The following FSD2 variants were observed in gnomAD, a reference collection of about 807,000 sequenced individuals.
FSD2 encodes the protein fibronectin type III and SPRY domain-containing protein 2.
A neutral mutation model predicts 80.4 loss-of-function variants in FSD2; 71 were observed. The observed-to-expected ratio is 0.88, with a 90% CI of 0.73 to 1.08. The LOEUF is 1.08. Ranked by LOEUF, FSD2 falls within the 50% of genes least tolerant of loss-of-function variation. The pLI is 0.00. For synonymous variants in FSD2, 361 were observed against 329.5 expected, an observed-to-expected ratio of 1.10 and a Z score of -1.03; for missense variants, 923 against 913.8, an observed-to-expected ratio of 1.01 and a Z score of -0.13.
intron 1 of FSD2, among the ~76,000 whole-genome samples, chr15:82,792,626 G>C (rs924541349): frequency 6.6e-6 from 1 of 152,132 alleles, no homozygotes. Context: ...TTTTGCTGAA[G>C]TCTAGTTTAT....
intron 8 of FSD2, 56 bp downstream of exon 8, chr15:82,769,694 G>T: frequency 6.4e-7 from 1 of 1,551,612 alleles, no homozygotes; most frequent in South Asian, 1.2e-5. Flanking sequence ...AGAAACCCAT[G>T]ACTCCTGTGT....
At chr15:82,789,159 A>G (rs1016757961) in intron 1 of FSD2, among the ~76,000 whole-genome samples, 2 of 152,090 alleles carry the variant, frequency 1.3e-5, no homozygotes, top group Non-Finnish European at 2.9e-5. Context: ...AGGTTTAATG[A>G]TTAGGAGAAG....
intron 1 of FSD2, among the ~76,000 whole-genome samples, chr15:82,789,246 A>C (rs1180170993): frequency 1.3e-5 from 2 of 152,200 alleles, no homozygotes; most frequent in Middle Eastern, 3.4e-3. Flanking sequence ...GCAAATGATA[A>C]CTTGGAAAAA....
chr15:82,756,032 T>C lies in FSD2; in HGVS notation c.*3316A>G, dbSNP rs1390642627. 3 of 509,430 alleles carry C rather than the reference T, an allele frequency of 5.9e-6. No individual in the cohort carries two copies. The highest frequency in any genetic ancestry group is 2.0e-5 in the Admixed American group (1 of 51,072). 31.6% of individuals were successfully genotyped at this position (509,430 alleles called of 1,614,324 possible). On this transcript the variant is annotated 3_prime_UTR_variant, in exon 13 of 13. Transcript: ENST00000334574. ...AAAAGGTAGATAGAACAGGTCTTGT[T>C]TGCAAAATAAATTCAAGACCTACTT...
intron 3 of FSD2, 83 bp from the exon 4 acceptor site, chr15:82,783,108 T>C (rs868430262): frequency 3.8e-6 from 4 of 1,062,732 alleles, no homozygotes; most frequent in Middle Eastern, 2.1e-4. Flanking sequence ...TTTTTGTTTG[T>C]TTGTTTTTGA....
At chr15:82,801,432 A>T (rs1421414060) in intron 1 of FSD2, among the ~76,000 whole-genome samples, 1 of 152,184 alleles carries the variant, frequency 6.6e-6, no homozygotes, top group African/African-American at 2.4e-5. Context: ...GCCTTCTCTG[A>T]TGGTAGACGG....
rs1303543381 is a variant in FSD2, at chr15:82,778,769, G to C, written c.1108C>G (p.Pro370Ala). 1 of 1,609,134 alleles carries C rather than the reference G, an allele frequency of 6.2e-7. No individual in the cohort carries two copies. The highest frequency in any genetic ancestry group is 1.1e-5 in the South Asian group (1 of 90,372). ...EQLMGSINTIPAPSAPVINPQ... is the reference protein window; with the variant it reads ...EQLMGSINTIAAPSAPVINPQ... Reference sequence around the variant, plus strand: ...AAGTACACACACAGGTGAGCACCTGGAATGGTGTTAATGGAGCCCATCAGC... The same window carrying C: ...AAGTACACACACAGGTGAGCACCTGCAATGGTGTTAATGGAGCCCATCAGC... Residue 370 changes from proline (P) to alanine (A), a missense_variant, in exon 6 of 13, where the codon CCA becomes GCA. Pro to Ala is a conservative substitution (Grantham distance 27). Transcript: ENST00000334574.
chr15:82,765,808 A>C lies in FSD2; in HGVS notation c.1687+90T>G, dbSNP rs2049402990. The C allele has an allele frequency of 4.1e-6, 6 of 1,462,402 alleles. No individual in the cohort carries two copies. The Admixed American group carries it at 1.4e-4, about 33-fold the overall frequency. The allele number at this position is 1,462,402 out of a possible 1,614,324, so 90.6% of individuals were successfully genotyped here. ...CACGTGTCCACATCTGTGCATATTC[A>C]TCAATTTCCCAGTGAAGTCATAGCA... On this transcript the variant is annotated intron_variant, in intron 10 of 12. Coordinates refer to ENST00000334574, the MANE Select transcript of FSD2 (RefSeq NM_001007122.4).
intron 4 of FSD2, among the ~76,000 whole-genome samples, chr15:82,781,359 C>T (rs753177939): frequency 2.6e-5 from 4 of 152,120 alleles, no homozygotes; most frequent in Admixed American, 6.5e-5. Flanking sequence ...CAGCTTTATT[C>T]GCTGGCCCCT....
At chr15:82,778,105 T>TG (rs1355048053) in intron 6 of FSD2, among the ~76,000 whole-genome samples, 10 of 94,366 alleles carry the variant, frequency 1.1e-4, no homozygotes, top group Non-Finnish European at 1.8e-4. Context: ...ACCCTGTCTC[T>TG]GAAAAAAAAA....
intron 1 of FSD2, among the ~76,000 whole-genome samples, chr15:82,790,335 C>T (rs1244522049): frequency 6.6e-6 from 1 of 152,214 alleles, no homozygotes; most frequent in African/African-American, 2.4e-5. Context: ...TGAACCTTCC[C>T]TCTTGCTCTC....
intron 7 of FSD2, among the ~76,000 whole-genome samples, chr15:82,771,274 C>G (rs1112679): frequency 0.48 from 72,269 of 151,940 alleles, 17,172 homozygotes; most frequent in Admixed American, 0.51. Context: ...TTCTCTCTGA[C>G]TCTCAGTTTC....
chr15:82,802,166 A>G (rs923484443), intron 1 of FSD2, among the ~76,000 whole-genome samples: 1 of 152,116 alleles, frequency 6.6e-6, no homozygotes, highest in Admixed American at 6.5e-5. Context: ...GTGTGGCTTC[A>G]AGTGAACTAG....
chr15:82,767,918 A>G (rs2151492770), intron 9 of FSD2, among the ~76,000 whole-genome samples: 1 of 152,332 alleles, frequency 6.6e-6, no homozygotes, highest in East Asian at 1.9e-4. Context: ...GTTCCACAGC[A>G]GGGGAGCCCC....
intron 12 of FSD2, among the ~76,000 whole-genome samples, chr15:82,761,541 G>A (rs2049296196): frequency 6.6e-6 from 1 of 152,176 alleles, no homozygotes; most frequent in Admixed American, 6.5e-5. Context: ...TATCACTTAA[G>A]TGGTTAGGAA....
At chr15:82,803,664 A>C (rs1197374862) in intron 1 of FSD2, among the ~76,000 whole-genome samples, 2 of 152,104 alleles carry the variant, frequency 1.3e-5, no homozygotes, top group African/African-American at 4.8e-5. Context: ...AGAGCATGAC[A>C]TCCACCCCCT....
At chr15:82,760,731 G>A (rs1200526063) in intron 12 of FSD2, among the ~76,000 whole-genome samples, 1 of 84,116 alleles carries the variant, frequency 1.2e-5, no homozygotes, top group African/African-American at 5.5e-5. Flanking sequence ...GCACGTGTGT[G>A]CGTGCACGCA....
intron 1 of FSD2, among the ~76,000 whole-genome samples, chr15:82,805,483 T>C (rs757537661): frequency 6.6e-5 from 10 of 152,216 alleles, no homozygotes; most frequent in South Asian, 4.1e-4. Context: ...AAACTTTCTA[T>C]AGGAGGAGGC....
Position 82,786,550 on chromosome 15 carries a change from G to T in FSD2, c.696C>A (p.Asn232Lys). 1 of 1,613,656 alleles carries T rather than the reference G, an allele frequency of 6.2e-7. No homozygotes were observed. The highest frequency in any genetic ancestry group is 1.1e-5 in the South Asian group (1 of 91,006). The change falls in exon 3 of 13, where the codon AAC becomes AAA. Residue 232 changes from asparagine to lysine, a missense_variant. By Grantham distance (94) the Asn-to-Lys change is moderately conservative (BLOSUM62 0). Coordinates refer to ENST00000334574, the MANE Select transcript of FSD2 (RefSeq NM_001007122.4). Reference protein sequence around the residue: ...KLEKQIIEMENFANHLEEVFI... With the variant: ...KLEKQIIEMEKFANHLEEVFI... ...AAACCTCCTCCAAATGATTTGCAAA[G>T]TTTTCCATCTCAATTATCTGCTTTT...
Sources: allele counts gnomAD v4.1 joint callset (sites outside exome capture counted in the v4.1 genomes callset), GRCh38; gene constraint gnomAD v4.1.1; transcripts MANE v1.5; gene names NCBI Gene and HGNC (gene_info 2026-07-23, HGNC 2026-07-21).